Variants in NEXMIF observed in about 807,000 individuals in gnomAD.
The protein encoded by NEXMIF is neurite extension and migration factor.
NEXMIF carries 8 observed loss-of-function variants against 62.1 expected under a neutral mutation model. That is an observed-to-expected ratio of 0.13 (90% CI 0.08 to 0.23). The LOEUF is 0.23. Ranked by LOEUF, NEXMIF falls within the 10% of genes least tolerant of loss-of-function variation. The pLI is 1.00. For missense variants in NEXMIF, 976 were observed against 1,113.3 expected (o/e 0.88, Z 1.75); for synonymous variants, 404 against 416.6 (o/e 0.97, Z 0.37).
At chrX:74,824,652 G>GT (rs769952087) in intron 1 of NEXMIF, among the ~76,000 whole-genome samples, 8,808 of 99,486 alleles carry the variant, frequency 0.089, 1,013 homozygotes, top group African/African-American at 0.29. Flanking sequence ...TCTGCTTTTA[G>GT]TTTTTTTTTT....
chrX:74,770,617 C>T (rs1236783448), intron 1 of NEXMIF, among the ~76,000 whole-genome samples: 1 of 111,605 alleles, frequency 9.0e-6, no homozygotes, highest in Admixed American at 9.5e-5. Context: ...ACTTTTTAAC[C>T]CTTTAGGCAA....
At chrX:74,796,182 C>T (rs1303812135) in intron 1 of NEXMIF, among the ~76,000 whole-genome samples, 28 of 58,331 alleles carry the variant, frequency 4.8e-4, no homozygotes, top group African/African-American at 1.3e-3. Context: ...TATATATATA[C>T]ATATATATTA....
At chrX:74,889,396 G>A (rs764549219) in intron 1 of NEXMIF, among the ~76,000 whole-genome samples, 1 of 111,834 alleles carries the variant, frequency 8.9e-6, no homozygotes, top group South Asian at 3.8e-4. Context: ...TTGATTTAAA[G>A]GCCTCAAGTC....
At chrX:74,816,566 C>A (rs767981999) in intron 1 of NEXMIF, among the ~76,000 whole-genome samples, 2 of 111,731 alleles carry the variant, frequency 1.8e-5, no homozygotes, top group Admixed American at 9.5e-5. Context: ...AATGAATAAG[C>A]AAACACTCTC....
In NEXMIF at chrX:74,894,676, G is replaced by C. The variant is rs1049014358; in HGVS notation, c.-48+30207C>G. Among the ~76,000 whole-genome samples, 3 of 112,272 alleles carry C rather than the reference G, an allele frequency of 2.7e-5. No homozygotes were observed. In the Admixed American group the frequency reaches 2.8e-4, roughly 11 times the overall value. The stretch of plus-strand genomic sequence containing the variant: ...GATTTATCCCTGGGATGCAAGGATG[G>C]TCCAACACTCACAAATCAATCAATG... On this transcript the variant is annotated intron_variant, in intron 1 of 3. Coordinates refer to ENST00000055682, the MANE Select transcript of NEXMIF (RefSeq NM_001008537.3).
chrX:74,780,044 T>A (rs2080241493), intron 1 of NEXMIF, among the ~76,000 whole-genome samples: 1 of 112,213 alleles, frequency 8.9e-6, no homozygotes, highest in Admixed American at 9.5e-5. Flanking sequence ...TTTATATACT[T>A]CCTCCGCCAA....
chrX:74,864,591 G>A (rs2080570520), intron 1 of NEXMIF, among the ~76,000 whole-genome samples: 1 of 112,429 alleles, frequency 8.9e-6, no homozygotes, highest in East Asian at 2.8e-4. Context: ...CTGCTGCCAT[G>A]TAAGACGTGC....
chrX:74,755,629 T>C (rs2147447243), intron 1 of NEXMIF, among the ~76,000 whole-genome samples: 1 of 111,912 alleles, frequency 8.9e-6, no homozygotes, highest in South Asian at 3.8e-4. Context: ...CACTTCCCAC[T>C]TAACTCTGGA....
chrX:74,853,448 T>C (rs2080523161), intron 1 of NEXMIF, among the ~76,000 whole-genome samples: 1 of 107,808 alleles, frequency 9.3e-6, no homozygotes, highest in Non-Finnish European at 1.9e-5. Flanking sequence ...ATGATACCCA[T>C]TAACATAGTG....
chrX:74,823,119 C>A (rs776519750), intron 1 of NEXMIF, among the ~76,000 whole-genome samples: 3 of 111,712 alleles, frequency 2.7e-5, no homozygotes, highest in Non-Finnish European at 3.8e-5. Flanking sequence ...TGCTACAGAT[C>A]CATTTATAAA....
At chrX:74,904,529 T>C (rs1222119218) in intron 1 of NEXMIF, among the ~76,000 whole-genome samples, 3 of 111,800 alleles carry the variant, frequency 2.7e-5, no homozygotes, top group Non-Finnish European at 5.6e-5. Flanking sequence ...AAAAGCAAGA[T>C]AGGGTACAAT....
chrX:74,883,884 G>C (rs1321216263), intron 1 of NEXMIF, among the ~76,000 whole-genome samples: 1 of 111,811 alleles, frequency 8.9e-6, no homozygotes, highest in East Asian at 2.8e-4. Flanking sequence ...AAATGTTAAG[G>C]GCAGCCAGAG....
intron 1 of NEXMIF, among the ~76,000 whole-genome samples, chrX:74,773,044 C>T (rs1228575364): frequency 8.9e-6 from 1 of 111,786 alleles, no homozygotes; most frequent in East Asian, 2.8e-4. Flanking sequence ...GTCTGTGCTG[C>T]ACATGTATAT....
intron 1 of NEXMIF, among the ~76,000 whole-genome samples, chrX:74,891,728 T>G (rs1266602867): frequency 8.9e-6 from 1 of 112,344 alleles, no homozygotes. Context: ...AGTATGAGAT[T>G]TGGACACAGA....
chrX:74,821,011 A>G (rs1004917420), intron 1 of NEXMIF, among the ~76,000 whole-genome samples: 2 of 111,221 alleles, frequency 1.8e-5, no homozygotes, highest in Non-Finnish European at 3.8e-5. Context: ...GTGTCCCCTC[A>G]ACCTAAAATA....
chrX:74,878,007 T>A (rs1405869588), intron 1 of NEXMIF, among the ~76,000 whole-genome samples: 4 of 112,453 alleles, frequency 3.6e-5, no homozygotes, highest in South Asian at 3.7e-4. Context: ...TCATTCTCCA[T>A]CCAGCTTTAT....
At chrX:74,819,708 G>C (rs1047996781) in intron 1 of NEXMIF, among the ~76,000 whole-genome samples, 2 of 111,995 alleles carry the variant, frequency 1.8e-5, no homozygotes, top group African/African-American at 6.5e-5. Flanking sequence ...AGAGGATGTG[G>C]AGAAATAGAA....
At position 74,815,727 on chromosome X, in the gene NEXMIF, C is replaced by T. The variant is rs367837953; in HGVS notation, c.-47-70030G>A. On this transcript the variant is annotated intron_variant, in intron 1 of 3. Coordinates refer to ENST00000055682, the MANE Select transcript of NEXMIF (RefSeq NM_001008537.3). Reference sequence around the variant, plus strand: ...TCGGCTCACTGCAAGCTCCGCCTCCCGGGTTCATGCCATTCTCCTGCCTCA... The same window carrying T: ...TCGGCTCACTGCAAGCTCCGCCTCCTGGGTTCATGCCATTCTCCTGCCTCA... Among the ~76,000 whole-genome samples, 7 of 107,859 alleles carry T rather than the reference C, an allele frequency of 6.5e-5. No individual in the cohort carries two copies. The South Asian group carries it at 2.5e-3, about 39-fold the overall frequency. The allele number at this position is 107,859 out of a possible 115,157, so 93.7% of individuals were successfully genotyped here.
At chrX:74,871,542 C>A (rs1481357428) in intron 1 of NEXMIF, among the ~76,000 whole-genome samples, 1 of 111,126 alleles carries the variant, frequency 9.0e-6, no homozygotes, top group Non-Finnish European at 1.9e-5. Context: ...GAGGGCACTG[C>A]AGGAGACCAG....
Sources: allele counts gnomAD v4.1 joint callset (sites outside exome capture counted in the v4.1 genomes callset), GRCh38; gene constraint gnomAD v4.1.1; transcripts MANE v1.5; gene names NCBI Gene and HGNC (gene_info 2026-07-23, HGNC 2026-07-21).